DIAPH3: variants seen among roughly 807,000 people sequenced by gnomAD.
DIAPH3 encodes protein diaphanous homolog 3.
In DIAPH3, 117 loss-of-function variants were observed where a neutral mutation model predicts 144.3. The observed-to-expected ratio is 0.81, with a 90% confidence interval of 0.70 to 0.95. The LOEUF (loss-of-function observed/expected upper bound fraction) is 0.95, where lower values mean the gene tolerates loss of function less well. Ranked by LOEUF, DIAPH3 falls within the 40% of genes least tolerant of loss-of-function variation. The pLI, the probability that DIAPH3 is intolerant of heterozygous loss-of-function variation, is 0.00. For missense variants in DIAPH3, 1,421 were observed against 1,412.7 expected, an observed-to-expected ratio of 1.01 and a Z score of -0.09; for synonymous variants, 519 against 488.9, an observed-to-expected ratio of 1.06 and a Z score of -0.81.
Position 59,665,786 on chromosome 13 carries a change from T to G in DIAPH3, c.*798A>C, listed in dbSNP as rs1768499303. ...TTCATAAAATAAAAAAAGTTGTTAC[T>G]TTGGAAATTTCAAAATGGCAATTTT... is the stretch of plus-strand genomic sequence containing the variant. On this transcript the variant is annotated 3_prime_UTR_variant, in exon 28 of 28. Coordinates refer to ENST00000400324, the MANE Select transcript of DIAPH3 (RefSeq NM_001042517.2). 2 of 152,618 alleles carry G rather than the reference T, an allele frequency of 1.3e-5. No individual in the cohort carries two copies. The highest frequency in any genetic ancestry group is 4.1e-4 in the South Asian group (2 of 4,824). 9.5% of individuals were successfully genotyped at this position (152,618 alleles called of 1,614,324 possible).
chr13:59,936,913 C>T (rs960830617), intron 17 of DIAPH3, among the ~76,000 whole-genome samples: 2 of 152,066 alleles, frequency 1.3e-5, no homozygotes, highest in African/African-American at 2.4e-5. Flanking sequence ...CCTATAATCC[C>T]AGCACTTTGG....
chr13:59,729,810 A>ATTTTTTTTTTTTTTTTTTTT (rs59987412), intron 27 of DIAPH3, among the ~76,000 whole-genome samples: 12 of 134,230 alleles, frequency 8.9e-5, no homozygotes, highest in African/African-American at 3.7e-4. Flanking sequence ...ATACATTAAT[A>ATTTTTTTTTTTTTTTTTTTT]TTTTTTTTTT....
At chr13:60,051,903 G>A (rs1430941892) in intron 4 of DIAPH3, among the ~76,000 whole-genome samples, 1 of 152,136 alleles carries the variant, frequency 6.6e-6, no homozygotes, top group Non-Finnish European at 1.5e-5. Context: ...TTGTTTTCAG[G>A]AAGTAAAGAA....
intron 25 of DIAPH3, among the ~76,000 whole-genome samples, chr13:59,797,482 TG>T (rs2039674965): frequency 6.6e-6 from 1 of 152,222 alleles, no homozygotes; most frequent in South Asian, 2.1e-4. Flanking sequence ...AGAAATTTAA[TG>T]GTCACAAAAG....
At chr13:60,072,532 T>C (rs1010003281) in intron 4 of DIAPH3, among the ~76,000 whole-genome samples, 1 of 152,166 alleles carries the variant, frequency 6.6e-6, no homozygotes, top group Non-Finnish European at 1.5e-5. Flanking sequence ...CTTTCATATA[T>C]ATGAACATTA....
chr13:59,843,118 G>A (rs948783583), intron 22 of DIAPH3, among the ~76,000 whole-genome samples: 2 of 152,128 alleles, frequency 1.3e-5, no homozygotes, highest in African/African-American at 4.8e-5. Context: ...CCTGTCTTTA[G>A]TCACTACATT....
rs2057871479 is a variant in DIAPH3, at chr13:60,089,782, C to T, written c.495+3846G>A. Reference sequence around the variant, plus strand: ...GAATGGGCACAGCGCCTTGTAGTACCTCTCTCATCTATGCTATGAGTGAGC... The same window carrying T: ...GAATGGGCACAGCGCCTTGTAGTACTTCTCTCATCTATGCTATGAGTGAGC... On this transcript the variant is annotated intron_variant, in intron 4 of 27. Coordinates refer to ENST00000400324, the MANE Select transcript of DIAPH3 (RefSeq NM_001042517.2). Among the ~76,000 whole-genome samples the T allele has an allele frequency of 2.0e-5, 3 of 152,296 alleles. No individual in the cohort carries two copies. In the South Asian group the frequency reaches 6.2e-4, roughly 32 times the overall value.
chr13:59,729,299 G>A (rs2035762470), intron 27 of DIAPH3, among the ~76,000 whole-genome samples: 1 of 152,130 alleles, frequency 6.6e-6, no homozygotes, highest in African/African-American at 2.4e-5. Context: ...AAATCATATT[G>A]TCTCTTTTTT....
At chr13:59,807,889 T>A (rs1169310768) in intron 25 of DIAPH3, among the ~76,000 whole-genome samples, 1 of 152,010 alleles carries the variant, frequency 6.6e-6, no homozygotes, top group Non-Finnish European at 1.5e-5. Context: ...GTCATCAACA[T>A]AAAATTACCT....
At position 60,120,052 on chromosome 13, in the gene DIAPH3, C is replaced by A. The variant is rs186557561; in HGVS notation, c.214-7866G>T. Among the ~76,000 whole-genome samples the A allele has an allele frequency of 5.2e-3, 785 of 152,052 alleles. 2 individuals are homozygous for A. The highest frequency in any genetic ancestry group is 8.8e-3 in the Non-Finnish European group (596 of 67,974). Reference sequence around the variant, plus strand: ...TAAGGTAGAATATTGTAAATGCCCCCAAGAAAATAAGCCAAGTGAACTAGC... The same window carrying A: ...TAAGGTAGAATATTGTAAATGCCCCAAAGAAAATAAGCCAAGTGAACTAGC... On this transcript the variant is annotated intron_variant, in intron 2 of 27. Transcript: ENST00000400324.
chr13:59,774,164 G>A (rs1431782636), intron 27 of DIAPH3, 25 bp downstream of exon 27: 3 of 1,607,838 alleles, frequency 1.9e-6, no homozygotes, highest in African/African-American at 2.7e-5. Context: ...AGAAGAATGT[G>A]CAATTTATAA....
rs2140922699 is a variant in DIAPH3 at position 60,006,220 on chromosome 13, A to G, written c.1014+2324T>C. On this transcript the variant is annotated intron_variant, in intron 9 of 27. Coordinates refer to ENST00000400324, the MANE Select transcript of DIAPH3 (RefSeq NM_001042517.2). ...GCCAAAACAAATATTCCAAATAACC[A>G]AGAATTAGACTGCAATAGTCGAAAC... Among the ~76,000 whole-genome samples the G allele has an allele frequency of 2.0e-5, 3 of 152,306 alleles. No individual in the cohort carries two copies. In the Middle Eastern group the frequency reaches 0.01, roughly 518 times the overall value.
rs180836421 is a variant in DIAPH3, at chr13:59,863,076, T to G, written c.2608-1540A>C. Among the ~76,000 whole-genome samples the G allele has an allele frequency of 2.6e-4, 39 of 152,220 alleles. 1 individual carries two copies. The highest frequency in any genetic ancestry group is 3.4e-3 in the Middle Eastern group (1 of 294). ...TGAGACGACCAGGGTGGACCAATCC[T>G]AATCTGAAATGGCCAAGGAGTGCAA... is the stretch of plus-strand genomic sequence containing the variant. On this transcript the variant is annotated intron_variant, in intron 21 of 27. Transcript: ENST00000400324.
intron 2 of DIAPH3, among the ~76,000 whole-genome samples, chr13:60,121,594 C>T (rs2058846086): frequency 6.6e-6 from 1 of 152,116 alleles, no homozygotes. Flanking sequence ...AAAATAAAGC[C>T]ATCAAAGAAC....
At chr13:59,866,645 T>C (rs1055283143) in intron 21 of DIAPH3, among the ~76,000 whole-genome samples, 14 of 152,066 alleles carry the variant, frequency 9.2e-5, no homozygotes, top group African/African-American at 3.4e-4. Flanking sequence ...ATAGCAACTC[T>C]TTATATATTT....
At chr13:59,879,162 G>C in intron 21 of DIAPH3, 67 bp downstream of exon 21, 1 of 1,598,544 alleles carries the variant, frequency 6.3e-7, no homozygotes, top group Non-Finnish European at 8.5e-7. Flanking sequence ...TTTAAATAAT[G>C]CAATCAGGGC....
At chr13:59,686,674 G>A (rs1046761035) in intron 27 of DIAPH3, among the ~76,000 whole-genome samples, 5 of 151,584 alleles carry the variant, frequency 3.3e-5, no homozygotes, top group South Asian at 2.1e-4. Flanking sequence ...GAGTTATTTC[G>A]GGCTAGGGGT....
intron 27 of DIAPH3, among the ~76,000 whole-genome samples, chr13:59,701,641 G>A (rs1048524425): frequency 5.9e-5 from 9 of 152,306 alleles, no homozygotes; most frequent in African/African-American, 2.2e-4. Context: ...ACTTCCTATT[G>A]TGGGGGTTAT....
intron 5 of DIAPH3, among the ~76,000 whole-genome samples, chr13:60,037,671 GAGGAGC>G (rs1198885613): frequency 6.6e-6 from 1 of 151,932 alleles, no homozygotes; most frequent in Admixed American, 6.6e-5. Flanking sequence ...AAGAAATGAG[GAGGAGC>G]AGGAGCAGTT....
Sources: allele counts gnomAD v4.1 joint callset (sites outside exome capture counted in the v4.1 genomes callset), GRCh38; gene constraint gnomAD v4.1.1; transcripts MANE v1.5; gene names NCBI Gene and HGNC (gene_info 2026-07-23, HGNC 2026-07-21).